ZNF804B: variants seen among roughly 807,000 people sequenced by gnomAD.
The protein encoded by ZNF804B is zinc finger 804B.
ZNF804B carries 80 observed loss-of-function variants against 101.4 expected under a neutral mutation model. That is an observed-to-expected ratio of 0.79 (90% CI 0.66 to 0.95). ZNF804B has a LOEUF of 0.95. Among genes scored for constraint, ZNF804B ranks in the 40% least tolerant of loss-of-function variants. ZNF804B has a pLI of 0.00. For synonymous variants in ZNF804B, 622 were observed against 558.8 expected, an observed-to-expected ratio of 1.11 and a Z score of -1.59; for missense variants, 1,673 against 1,561.9, an observed-to-expected ratio of 1.07 and a Z score of -1.20.
intron 1 of ZNF804B, among the ~76,000 whole-genome samples, chr7:88,965,041 TA>T (rs1793435034): frequency 1.3e-5 from 2 of 151,478 alleles, no homozygotes; most frequent in African/African-American, 2.4e-5. Context: ...TTGAAAAGAA[TA>T]TTGTTTTAAT....
intron 1 of ZNF804B, among the ~76,000 whole-genome samples, chr7:88,911,237 A>G (rs1033439983): frequency 2.0e-5 from 3 of 151,854 alleles, no homozygotes; most frequent in African/African-American, 7.2e-5. Context: ...ATCATTCCCT[A>G]AGTAGGATTT....
At chr7:89,277,544 C>A (rs1474035011) in intron 2 of ZNF804B, among the ~76,000 whole-genome samples, 2 of 135,608 alleles carry the variant, frequency 1.5e-5, no homozygotes, top group Non-Finnish European at 3.1e-5. Context: ...GTTCCCCTTC[C>A]TGTGTCCAGG....
intron 1 of ZNF804B, among the ~76,000 whole-genome samples, chr7:88,927,343 A>G (rs1244747903): frequency 6.6e-6 from 1 of 152,184 alleles, no homozygotes; most frequent in African/African-American, 2.4e-5. Context: ...AAAAGCACAA[A>G]CTACTGACAC....
rs1360956946 is a variant in ZNF804B, at chr7:89,249,544, A to AACAAAAC, written c.249+31250_249+31256dup. Among the ~76,000 whole-genome samples the AACAAAAC allele has an allele frequency of 4.6e-5, 7 of 152,284 alleles. No homozygotes were observed. The East Asian group carries it at 9.6e-4, about 21-fold the overall frequency. Reference sequence around the variant, plus strand: ...GCTACTCAATGACTTTTGGGTAAATAACAAAACTAAGGCAGAAATTAAAAA... The same window carrying AACAAAAC: ...GCTACTCAATGACTTTTGGGTAAATAACAAAACACAAAACTAAGGCAGAAATTAAAAA... On this transcript the variant is annotated intron_variant, in intron 2 of 3. Coordinates refer to ENST00000333190, the MANE Select transcript of ZNF804B (RefSeq NM_181646.5).
chr7:88,900,345 A>C (rs923104876), intron 1 of ZNF804B, among the ~76,000 whole-genome samples: 1 of 151,918 alleles, frequency 6.6e-6, no homozygotes, highest in African/African-American at 2.4e-5. Flanking sequence ...TGGAATGAAT[A>C]AAACTATGGA....
At chr7:88,889,828 G>T (rs1792190127) in intron 1 of ZNF804B, among the ~76,000 whole-genome samples, 2 of 152,038 alleles carry the variant, frequency 1.3e-5, no homozygotes, top group Admixed American at 1.3e-4. Context: ...TCCATTTGAA[G>T]ACAGTCATAA....
At chr7:89,203,581 G>A (rs1468971854) in intron 1 of ZNF804B, among the ~76,000 whole-genome samples, 1 of 151,860 alleles carries the variant, frequency 6.6e-6, no homozygotes, top group Non-Finnish European at 1.5e-5. Flanking sequence ...ACAATTTCTA[G>A]TATTCTCTAA....
chr7:88,759,814 C>A lies in ZNF804B; in HGVS notation c.-163C>A, dbSNP rs1462199210. 1 of 616,700 alleles carries A rather than the reference C, an allele frequency of 1.6e-6. No homozygotes were observed. Among genetic ancestry groups the A allele is most frequent in the Non-Finnish European group, 2.9e-6 (1 of 348,266 alleles). The allele number at this position is 616,700 out of a possible 1,614,324, so 38.2% of individuals were successfully genotyped here. A position where few individuals can be genotyped will look rare whatever the true frequency, so the allele number is the denominator to read the frequency against. ...AGCTGTCGGCAGCAGGAGCCCCGCACGGGGCGCGGAGCAGGGACGCGCTGC... is the reference window on the plus strand; with the variant it reads ...AGCTGTCGGCAGCAGGAGCCCCGCAAGGGGCGCGGAGCAGGGACGCGCTGC... On this transcript the variant is annotated 5_prime_UTR_variant, in exon 1 of 4. Coordinates refer to ENST00000333190, the MANE Select transcript of ZNF804B (RefSeq NM_181646.5).
chr7:88,770,893 G>A (rs1216215364), intron 1 of ZNF804B, among the ~76,000 whole-genome samples: 2 of 152,138 alleles, frequency 1.3e-5, no homozygotes, highest in African/African-American at 4.8e-5. Context: ...CCTATGCAAT[G>A]TATATCACTT....
rs530953684 is a variant in ZNF804B at position 88,819,278 on chromosome 7, C to G, written c.108+59194C>G. ...AGCTAGGACCACTGGTGCATGCCTC[C>G]ACACCTGGCTATTTTTTTTTTCTTG... is the stretch of plus-strand genomic sequence containing the variant. On this transcript the variant is annotated intron_variant, in intron 1 of 3. Coordinates refer to ENST00000333190, the MANE Select transcript of ZNF804B (RefSeq NM_181646.5). Among the ~76,000 whole-genome samples the G allele has an allele frequency of 2.6e-4, 36 of 137,468 alleles. No homozygotes were observed. The South Asian group carries it at 8.7e-3, about 33-fold the overall frequency. 90.2% of individuals were successfully genotyped at this position (137,468 alleles called of 152,430 possible). A position where few individuals can be genotyped will look rare whatever the true frequency, so the allele number is the denominator to read the frequency against.
intron 1 of ZNF804B, among the ~76,000 whole-genome samples, chr7:88,928,170 A>G (rs931591497): frequency 1.3e-5 from 2 of 152,078 alleles, no homozygotes; most frequent in Admixed American, 6.6e-5. Context: ...GATTTACAGA[A>G]TCAGTTGTCT....
intron 1 of ZNF804B, among the ~76,000 whole-genome samples, chr7:88,906,609 G>A (rs1442206402): frequency 6.6e-6 from 1 of 151,998 alleles, no homozygotes; most frequent in Non-Finnish European, 1.5e-5. Context: ...GGCTTGGTAT[G>A]AATTATATTC....
intron 1 of ZNF804B, among the ~76,000 whole-genome samples, chr7:89,176,608 T>TTTTTC: frequency 7.2e-6 from 1 of 139,596 alleles, no homozygotes; most frequent in African/African-American, 2.6e-5. Flanking sequence ...TTTTTTTTTT[T>TTTTTC]CATGTTTCCT....
intron 1 of ZNF804B, among the ~76,000 whole-genome samples, chr7:89,197,959 T>C (rs1788580084): frequency 6.6e-6 from 1 of 151,860 alleles, no homozygotes; most frequent in Non-Finnish European, 1.5e-5. Context: ...ACCTTATTAG[T>C]ATGTTTCCAC....
intron 1 of ZNF804B, among the ~76,000 whole-genome samples, chr7:89,097,177 C>A (rs939999051): frequency 6.6e-6 from 1 of 152,220 alleles, no homozygotes; most frequent in Non-Finnish European, 1.5e-5. Flanking sequence ...AATCCCCGTC[C>A]CTCACTTGCC....
At chr7:89,140,250 T>G (rs1790695699) in intron 1 of ZNF804B, among the ~76,000 whole-genome samples, 1 of 152,028 alleles carries the variant, frequency 6.6e-6, no homozygotes, top group Admixed American at 6.6e-5. Flanking sequence ...CTTCCACATA[T>G]AGAGCACAAG....
intron 1 of ZNF804B, among the ~76,000 whole-genome samples, chr7:89,036,448 A>T (rs1788929535): frequency 6.6e-6 from 1 of 151,944 alleles, no homozygotes; most frequent in African/African-American, 2.4e-5. Flanking sequence ...ATGTGAGGGG[A>T]TTCCTTCTTC....
intron 1 of ZNF804B, among the ~76,000 whole-genome samples, chr7:89,112,115 A>G (rs984885435): frequency 1.6e-5 from 2 of 124,564 alleles, no homozygotes; most frequent in Admixed American, 1.6e-4. Context: ...CAAAAAAAAA[A>G]AAAAAAAAGT....
chr7:89,202,408 G>A (rs1788655660), intron 1 of ZNF804B, among the ~76,000 whole-genome samples: 1 of 151,992 alleles, frequency 6.6e-6, no homozygotes, highest in Non-Finnish European at 1.5e-5. Context: ...AAGCTTAGGG[G>A]GATAAAGGAA....
Sources: gnomAD v4.1 joint callset for allele counts (sites outside exome capture counted in the v4.1 genomes callset) on GRCh38, gnomAD v4.1.1 for gene constraint, MANE v1.5 for transcripts, NCBI Gene and HGNC (gene_info 2026-07-23, HGNC 2026-07-21) for gene names.